CLSTN2: variants seen among roughly 807,000 people sequenced by gnomAD.
CLSTN2 encodes the protein calsyntenin 2.
CLSTN2 carries 48 observed loss-of-function variants against 101.2 expected under a neutral mutation model. That is an observed-to-expected ratio of 0.47 (90% CI 0.38 to 0.60). The LOEUF (loss-of-function observed/expected upper bound fraction) is 0.60, where lower values mean the gene tolerates loss of function less well. Among genes scored for constraint, CLSTN2 ranks in the 20% least tolerant of loss-of-function variants. The pLI is 0.00. For missense variants in CLSTN2, 1,160 were observed against 1,238.2 expected, an observed-to-expected ratio of 0.94 and a Z score of 0.95; for synonymous variants, 481 against 463.6, an observed-to-expected ratio of 1.04 and a Z score of -0.48.
At chr3:140,473,118 G>A (rs2108025446) in intron 8 of CLSTN2, among the ~76,000 whole-genome samples, 1 of 152,332 alleles carries the variant, frequency 6.6e-6, no homozygotes, top group African/African-American at 2.4e-5. Flanking sequence ...TATCCCATTT[G>A]TTCTGCTTTC....
intron 2 of CLSTN2, among the ~76,000 whole-genome samples, chr3:140,347,792 A>G (rs1047167944): frequency 2.6e-5 from 4 of 152,242 alleles, no homozygotes; most frequent in Non-Finnish European, 4.4e-5. Flanking sequence ...AAAAATGCAT[A>G]GAGATGGAAT....
chr3:140,314,686 A>T (rs2087212008), intron 2 of CLSTN2, among the ~76,000 whole-genome samples: 1 of 152,198 alleles, frequency 6.6e-6, no homozygotes, highest in Admixed American at 6.5e-5. Flanking sequence ...AACCCAGAAT[A>T]TGTGGGAACT....
chr3:140,391,810 A>T (rs1292156809), intron 2 of CLSTN2, among the ~76,000 whole-genome samples: 1 of 152,094 alleles, frequency 6.6e-6, no homozygotes, highest in Non-Finnish European at 1.5e-5. Flanking sequence ...AGTGACCAAG[A>T]TGCTATTATT....
chr3:140,281,767 A>C lies in CLSTN2; in HGVS notation c.232+105694A>C, dbSNP rs200145885. Among the ~76,000 whole-genome samples the C allele has an allele frequency of 1.7e-3, 4 of 2,388 alleles. No homozygotes were observed. The Non-Finnish European group carries it at 0.033, about 20-fold the overall frequency. 1.6% of individuals were successfully genotyped at this position (2,388 alleles called of 152,430 possible). ...ATAAAACTGTCAGAGAGAGAGCGAG[A>C]GAGAGAGAGAGAGGAGCCTGAAAAC... On this transcript the variant is annotated intron_variant, in intron 2 of 16. Coordinates refer to ENST00000458420, the MANE Select transcript of CLSTN2 (RefSeq NM_022131.3).
At chr3:140,408,085 A>C (rs974164051) in intron 4 of CLSTN2, among the ~76,000 whole-genome samples, 2 of 152,192 alleles carry the variant, frequency 1.3e-5, no homozygotes, top group African/African-American at 4.8e-5. Flanking sequence ...AAGATACAGC[A>C]ACACAGTATA....
At chr3:140,439,527 CA>C (rs1327684156) in intron 5 of CLSTN2, among the ~76,000 whole-genome samples, 2 of 152,190 alleles carry the variant, frequency 1.3e-5, no homozygotes, top group Non-Finnish European at 2.9e-5. Context: ...GTGAGCAAGA[CA>C]AAATTTGAGA....
chr3:140,240,174 CTATATATATATA>C lies in CLSTN2; in HGVS notation c.232+64116_232+64127del, dbSNP rs1226140178. 1.5e-4 allele frequency among the ~76,000 whole-genome samples: 2 copies of C among 13,330 alleles called. 1 individual carries two copies. The highest frequency in any genetic ancestry group is 4.7e-3 in the Admixed American group (2 of 422). 8.7% of individuals were successfully genotyped at this position (13,330 alleles called of 152,430 possible). On this transcript the variant is annotated intron_variant, in intron 2 of 16. Coordinates refer to ENST00000458420, the MANE Select transcript of CLSTN2 (RefSeq NM_022131.3). ...TCTGTCTCTCTCTCTCTCTCTCTCTCTATATATATATATATATATATATATACACACACACAC... is the reference window on the plus strand; with the variant it reads ...TCTGTCTCTCTCTCTCTCTCTCTCTCTATATATATATATACACACACACAC...
chr3:140,093,307 G>A (rs1216364364), intron 1 of CLSTN2, among the ~76,000 whole-genome samples: 2 of 152,116 alleles, frequency 1.3e-5, no homozygotes, highest in Non-Finnish European at 2.9e-5. Flanking sequence ...AATGGCACCA[G>A]GTCATGGAGC....
intron 9 of CLSTN2, among the ~76,000 whole-genome samples, chr3:140,540,303 G>A (rs1935447821): frequency 6.6e-6 from 1 of 152,200 alleles, no homozygotes; most frequent in Non-Finnish European, 1.5e-5. Flanking sequence ...AAAGGGTTGA[G>A]AAAGCCTGCT....
chr3:140,297,290 A>T (rs1185117349), intron 2 of CLSTN2, among the ~76,000 whole-genome samples: 1 of 152,214 alleles, frequency 6.6e-6, no homozygotes, highest in Non-Finnish European at 1.5e-5. Flanking sequence ...GTGCTGGAGG[A>T]CATAGAATCT....
chr3:140,531,985 T>C (rs1349636888), intron 8 of CLSTN2, among the ~76,000 whole-genome samples: 4 of 152,056 alleles, frequency 2.6e-5, no homozygotes, highest in South Asian at 2.1e-4. Flanking sequence ...GTTTAAAAGG[T>C]TGTGAAAGGG....
chr3:140,113,202 C>A (rs1005906039), intron 1 of CLSTN2, among the ~76,000 whole-genome samples: 9 of 152,186 alleles, frequency 5.9e-5, no homozygotes, highest in African/African-American at 2.2e-4. Flanking sequence ...CCCACTCCTG[C>A]CCTCGCAAGA....
chr3:140,510,700 C>A (rs1260031951), intron 8 of CLSTN2, among the ~76,000 whole-genome samples: 1 of 152,196 alleles, frequency 6.6e-6, no homozygotes, highest in Non-Finnish European at 1.5e-5. Flanking sequence ...GTCATGATTA[C>A]CTTCCAGTGA....
intron 1 of CLSTN2, among the ~76,000 whole-genome samples, chr3:140,042,653 C>T (rs1007063837): frequency 6.6e-6 from 1 of 152,108 alleles, no homozygotes; most frequent in East Asian, 1.9e-4. Context: ...AGGTATATCT[C>T]CTAATGCTAT....
intron 10 of CLSTN2, among the ~76,000 whole-genome samples, chr3:140,552,583 T>C (rs1935723541): frequency 1.3e-5 from 2 of 152,072 alleles, no homozygotes; most frequent in African/African-American, 4.8e-5. Context: ...TCTCTACAGG[T>C]GGCTGCAGAG....
chr3:140,233,632 A>C (rs548860411), intron 2 of CLSTN2, among the ~76,000 whole-genome samples: 1 of 152,336 alleles, frequency 6.6e-6, no homozygotes, highest in South Asian at 2.1e-4. Context: ...TAATGGGCCA[A>C]GTTTTCCCTG....
intron 1 of CLSTN2, among the ~76,000 whole-genome samples, chr3:140,078,629 A>G (rs34209069): frequency 0.11 from 16,281 of 152,174 alleles, 1,318 homozygotes; most frequent in East Asian, 0.28. Flanking sequence ...GTGATCTACC[A>G]GTGCTGTCTG....
At chr3:140,014,831 T>A (rs544086328) in intron 1 of CLSTN2, among the ~76,000 whole-genome samples, 45 of 152,270 alleles carry the variant, frequency 3.0e-4, no homozygotes, top group Non-Finnish European at 4.9e-4. Flanking sequence ...GAACTTTGGA[T>A]TTTTCTCTGA....
At chr3:140,287,975 TG>T (rs1178931441) in intron 2 of CLSTN2, among the ~76,000 whole-genome samples, 1 of 152,132 alleles carries the variant, frequency 6.6e-6, no homozygotes, top group Non-Finnish European at 1.5e-5. Context: ...TCTTTCAAAA[TG>T]GGTTTGGGTT....
Sources: gnomAD v4.1 joint callset for allele counts (sites outside exome capture counted in the v4.1 genomes callset) on GRCh38, gnomAD v4.1.1 for gene constraint, MANE v1.5 for transcripts, NCBI Gene and HGNC (gene_info 2026-07-23, HGNC 2026-07-21) for gene names.